Variants in INSIG2 observed in about 807,000 individuals in gnomAD.
INSIG2 encodes insulin induced gene 2, also known as insulin-induced gene 2 protein.
INSIG2 carries 10 observed loss-of-function variants against 27.2 expected under a neutral mutation model. The observed-to-expected ratio is 0.37, with a 90% CI of 0.23 to 0.62. The LOEUF (loss-of-function observed/expected upper bound fraction) is 0.62. Ranked by LOEUF, INSIG2 falls within the 20% of genes least tolerant of loss-of-function variation. The probability of loss-of-function intolerance (pLI) is 0.65; values close to 1 mark genes in which losing one functional copy is unlikely to be tolerated. For synonymous variants in INSIG2, 97 were observed against 95.8 expected, an observed-to-expected ratio of 1.01 and a Z score of -0.07; for missense variants, 178 against 270.2, an observed-to-expected ratio of 0.66 and a Z score of 2.39.
rs1178018722 is a variant in INSIG2, at chr2:118,093,923, AGATGAT to A, written c.-138-2481_-138-2476del. The stretch of plus-strand genomic sequence containing the variant: ...CTACTGAACCTTGCTAAAAGCAACC[AGATGAT>A]GATGATGATGATGAGGAGGAGGAGG... On this transcript the variant is annotated intron_variant, in intron 1 of 5. Transcript: ENST00000245787. 1.9e-3 allele frequency among the ~76,000 whole-genome samples: 25 copies of A among 13,134 alleles called. 4 individuals are homozygous for A. The highest frequency in any genetic ancestry group is 7.7e-3 in the East Asian group (1 of 130). The allele number at this position is 13,134 out of a possible 152,430, so 8.6% of individuals were successfully genotyped here.
At chr2:118,090,920 C>G (rs762505486) in intron 1 of INSIG2, among the ~76,000 whole-genome samples, 1 of 152,142 alleles carries the variant, frequency 6.6e-6, no homozygotes, top group African/African-American at 2.4e-5. Context: ...CAACACCTGC[C>G]TATTTACCAA....
In INSIG2 at chr2:118,108,329, C is replaced by G. The variant is rs745865214; in HGVS notation, c.*7C>G. The G allele has an allele frequency of 1.1e-5, 18 of 1,585,320 alleles. No homozygotes were observed. In the Admixed American group the frequency reaches 2.3e-4, roughly 20 times the overall value. ...AAAATCTCATCAGGAATGAAGAAGG[C>G]AAAAAATATCTTTTGTACAGAAAAG... On this transcript the variant is annotated 3_prime_UTR_variant, in exon 6 of 6. Coordinates refer to ENST00000245787, the MANE Select transcript of INSIG2 (RefSeq NM_016133.4).
intron 2 of INSIG2, among the ~76,000 whole-genome samples, chr2:118,100,076 G>A (rs1040649512): frequency 6.6e-6 from 1 of 152,142 alleles, no homozygotes; most frequent in African/African-American, 2.4e-5. Flanking sequence ...AGCTCCCTTT[G>A]TGTCTGAAGC....
At position 118,109,754 on chromosome 2, in the gene INSIG2, TTA is replaced by T. The variant is rs1228124163; in HGVS notation, c.*1434_*1435del. 6.6e-5 allele frequency: 10 copies of T among 152,110 alleles called. No individual in the cohort carries two copies. The highest frequency in any genetic ancestry group is 2.4e-4 in the African/African-American group (10 of 41,276). 9.4% of individuals were successfully genotyped at this position (152,110 alleles called of 1,614,324 possible). A position where few individuals can be genotyped will look rare whatever the true frequency, so the allele number is the denominator to read the frequency against. On this transcript the variant is annotated 3_prime_UTR_variant, in exon 6 of 6. Transcript: ENST00000245787. ...TTGTATGCCAAACTTTAATCTGCTTTTATGTTTTCAGGCTGAAGGTGTGAAAA... is the reference window on the plus strand; with the variant it reads ...TTGTATGCCAAACTTTAATCTGCTTTTGTTTTCAGGCTGAAGGTGTGAAAA...
intron 3 of INSIG2, among the ~76,000 whole-genome samples, chr2:118,105,504 C>T (rs1449754895): frequency 6.6e-6 from 1 of 152,148 alleles, no homozygotes; most frequent in Non-Finnish European, 1.5e-5. Flanking sequence ...AGCTCTAAAC[C>T]TTTTCTTTGA....
Position 118,108,528 on chromosome 2 carries a change from C to T in INSIG2, c.*206C>T. On this transcript the variant is annotated 3_prime_UTR_variant, in exon 6 of 6. Coordinates refer to ENST00000245787, the MANE Select transcript of INSIG2 (RefSeq NM_016133.4). The stretch of plus-strand genomic sequence containing the variant: ...GCTTCATCTGTAAATCAGTTGTAAA[C>T]CTTTACATATTTGACTTAAATAACT... 1 of 432,738 alleles carries T rather than the reference C, an allele frequency of 2.3e-6. No individual in the cohort carries two copies. The highest frequency in any genetic ancestry group is 4.5e-5 in the South Asian group (1 of 21,996). The allele number at this position is 432,738 out of a possible 1,614,324, so 26.8% of individuals were successfully genotyped here.
At chr2:118,094,554 A>G (rs913476095) in intron 1 of INSIG2, among the ~76,000 whole-genome samples, 8 of 152,172 alleles carry the variant, frequency 5.3e-5, no homozygotes, top group African/African-American at 1.9e-4. Flanking sequence ...TGAATTAGCT[A>G]TACTGTGGAT....
rs1359429134 is a variant in INSIG2, at chr2:118,105,196, A to G, written c.370-1541A>G. ...GCTGGGACTACAGGCACCTGCCACCACACCCGGTGAATTTTTCTGTATTTT... is the reference window on the plus strand; with the variant it reads ...GCTGGGACTACAGGCACCTGCCACCGCACCCGGTGAATTTTTCTGTATTTT... On this transcript the variant is annotated intron_variant, in intron 3 of 5. Coordinates refer to ENST00000245787, the MANE Select transcript of INSIG2 (RefSeq NM_016133.4). Among the ~76,000 whole-genome samples, 5 of 151,406 alleles carry G rather than the reference A, an allele frequency of 3.3e-5. No individual in the cohort carries two copies. The East Asian group carries it at 9.7e-4, about 29-fold the overall frequency.
In INSIG2 at chr2:118,106,763, G is replaced by A; in HGVS notation, c.396G>A (p.Gln132=). 6.2e-7 allele frequency: 1 copy of A among 1,613,984 alleles called. No individual in the cohort carries two copies. Among genetic ancestry groups the A allele is most frequent in the Non-Finnish European group, 8.5e-7 (1 of 1,179,902 alleles). ...SAKVDFDNNI[Q]LSLTLAALSI... ...AAGTGGATTTCGATAACAACATACA[G>A]TTGTCTCTCACACTGGCTGCACTAT... is the stretch of plus-strand genomic sequence containing the variant. Residue 132 remains glutamine (Q), a synonymous_variant, in exon 4 of 6, where the codon CAG becomes CAA. Coordinates refer to ENST00000245787, the MANE Select transcript of INSIG2 (RefSeq NM_016133.4).
At chr2:118,094,973 A>G (rs1488461801) in intron 1 of INSIG2, among the ~76,000 whole-genome samples, 1 of 152,226 alleles carries the variant, frequency 6.6e-6, no homozygotes, top group Non-Finnish European at 1.5e-5. Flanking sequence ...GAGTTAACCC[A>G]ATTTAATTAA....
At chr2:118,094,500 T>A (rs1678362754) in intron 1 of INSIG2, among the ~76,000 whole-genome samples, 1 of 152,182 alleles carries the variant, frequency 6.6e-6, no homozygotes, top group Admixed American at 6.5e-5. Flanking sequence ...CAGGAGGAGA[T>A]GTTTCAGGGC....
chr2:118,097,960 TTA>T (rs1320461058), intron 2 of INSIG2, among the ~76,000 whole-genome samples: 3 of 152,200 alleles, frequency 2.0e-5, no homozygotes, highest in African/African-American at 7.2e-5. Context: ...GCTTCAGTGT[TTA>T]TATACTGATG....
intron 1 of INSIG2, among the ~76,000 whole-genome samples, chr2:118,093,523 ATG>A (rs1678315526): frequency 1.4e-4 from 1 of 7,242 alleles, no homozygotes; most frequent in African/African-American, 4.7e-4. Context: ...GATGATGATG[ATG>A]ATGATGATGA....
intron 3 of INSIG2, among the ~76,000 whole-genome samples, chr2:118,104,124 A>G (rs1044925587): frequency 6.6e-6 from 1 of 152,182 alleles, no homozygotes; most frequent in South Asian, 2.1e-4. Context: ...TGTGGTTTAG[A>G]CAATGAAGGT....
At chr2:118,091,826 A>G (rs1287179358) in intron 1 of INSIG2, among the ~76,000 whole-genome samples, 1 of 152,228 alleles carries the variant, frequency 6.6e-6, no homozygotes, top group Non-Finnish European at 1.5e-5. Flanking sequence ...ATAAATAAAC[A>G]GAAAGTCTCT....
At chr2:118,092,184 A>C in intron 1 of INSIG2, among the ~76,000 whole-genome samples, 1 of 152,206 alleles carries the variant, frequency 6.6e-6, no homozygotes, top group Admixed American at 6.5e-5. Flanking sequence ...ACGCTGTCTC[A>C]ATGTGGGTTA....
Position 118,109,206 on chromosome 2 carries a change from T to C in INSIG2, c.*884T>C, listed in dbSNP as rs1313510591. On this transcript the variant is annotated 3_prime_UTR_variant, in exon 6 of 6. Coordinates refer to ENST00000245787, the MANE Select transcript of INSIG2 (RefSeq NM_016133.4). ...TCTCATTGCTTTTGCACATGGAGCATATAGGAAACTCCAAACAGATCACAA... is the reference window on the plus strand; with the variant it reads ...TCTCATTGCTTTTGCACATGGAGCACATAGGAAACTCCAAACAGATCACAA... 6.6e-6 allele frequency: 1 copy of C among 152,212 alleles called. No individual in the cohort carries two copies. Among genetic ancestry groups the C allele is most frequent in the Non-Finnish European group, 1.5e-5 (1 of 68,036 alleles). The allele number at this position is 152,212 out of a possible 1,614,324, so 9.4% of individuals were successfully genotyped here.
intron 2 of INSIG2, among the ~76,000 whole-genome samples, chr2:118,097,931 G>A (rs952363248): frequency 6.6e-6 from 1 of 152,200 alleles, no homozygotes; most frequent in African/African-American, 2.4e-5. Context: ...CACAGTTAGA[G>A]GGGCACTGTT....
intron 1 of INSIG2, among the ~76,000 whole-genome samples, chr2:118,094,451 C>T: frequency 6.6e-6 from 1 of 152,128 alleles, no homozygotes; most frequent in East Asian, 1.9e-4. Flanking sequence ...TGCTCATATG[C>T]CTGGATTCCA....
Sources: allele counts gnomAD v4.1 joint callset (sites outside exome capture counted in the v4.1 genomes callset), GRCh38; gene constraint gnomAD v4.1.1; transcripts MANE v1.5; gene names NCBI Gene and HGNC (gene_info 2026-07-23, HGNC 2026-07-21).